Variants in TTN observed in about 807,000 individuals in gnomAD.
TTN encodes connectin.
TTN carries 1,525 observed loss-of-function variants against 3,223.0 expected under a neutral mutation model. That is an observed-to-expected ratio of 0.47 (90% CI 0.45 to 0.49). The LOEUF (loss-of-function observed/expected upper bound fraction) is 0.49, where lower values mean the gene tolerates loss of function less well. Among genes scored for constraint, TTN ranks in the 20% least tolerant of loss-of-function variants. The pLI is 0.00. For missense variants in TTN, 40,786 were observed against 43,424.0 expected, an observed-to-expected ratio of 0.94 and a Z score of 5.40; for synonymous variants, 14,094 against 15,161.0, an observed-to-expected ratio of 0.93 and a Z score of 5.17.
At position 178,535,849 on chromosome 2, in the gene TTN, ACTG is replaced by A; in HGVS notation, c.100766-3_100766-1del. The A allele has an allele frequency of 6.5e-7, 1 of 1,537,464 alleles. No individual in the cohort carries two copies. On this transcript the variant is annotated splice_acceptor_variant and splice_polypyrimidine_tract_variant and intron_variant, in intron 357 of 362. Coordinates refer to ENST00000589042, the MANE Select transcript of TTN (RefSeq NM_001267550.2). LOFTEE classifies it high-confidence loss of function. The stretch of plus-strand genomic sequence containing the variant: ...TTTAGGTAAGTGTATCTTAGCTGGA[ACTG>A]TATCAGAAAAAAAAAAAAAAAGAAT...
Position 178,588,034 on chromosome 2 carries a change from G to T in TTN, c.63373C>A (p.Leu21125Ile). The T allele has an allele frequency of 6.2e-7, 1 of 1,612,976 alleles. No homozygotes were observed. Among genetic ancestry groups the T allele is most frequent in the South Asian group, 1.1e-5 (1 of 91,038 alleles). ...GTAACAGTGAATTCCTTGCGTACAA[G>T]CTGTGCTGCAGCATTACACCGTTTC... Reference protein sequence around the residue: ...GWKRCNAAAQLVRKEFTVTSL... With the variant: ...GWKRCNAAAQIVRKEFTVTSL... The change falls in exon 305 of 363, where the codon CTT (leucine) becomes ATT (isoleucine). Residue 21125 changes from leucine (L) to isoleucine (I), a missense_variant. Transcript: ENST00000589042.
In TTN at chr2:178,532,547, C is replaced by G. The variant is rs1342833385; in HGVS notation, c.104068G>C (p.Gly34690Arg). ...RLRLEEELEL[G>R]FSASPPSRSP... Reference sequence around the variant, plus strand: ...CGACTTGGGGGTGAAGCTGAAAAACCTAACTCAAGCTCTTCTTCAAGACGC... The same window carrying G: ...CGACTTGGGGGTGAAGCTGAAAAACGTAACTCAAGCTCTTCTTCAAGACGC... Residue 34690 changes from glycine to arginine, a missense_variant, in exon 358 of 363, where the codon GGT becomes CGT. Coordinates refer to ENST00000589042, the MANE Select transcript of TTN (RefSeq NM_001267550.2). The G allele has an allele frequency of 1.9e-6, 3 of 1,613,812 alleles. No homozygotes were observed. Among genetic ancestry groups the G allele is most frequent in the Non-Finnish European group, 2.5e-6 (3 of 1,179,870 alleles).
chr2:178,563,283 A>G lies in TTN; in HGVS notation c.82849T>C (p.Trp27617Arg). 6.2e-6 allele frequency: 10 copies of G among 1,613,628 alleles called. No individual in the cohort carries two copies. Among genetic ancestry groups the G allele is most frequent in the Non-Finnish European group, 8.5e-6 (10 of 1,179,688 alleles). ...VEVKEAAADE[W>R]TTCTPPTGLQ... ...CCTGTTGGTGGAGTGCAGGTTGTCC[A>G]TTCATCCGCAGCAGCTTCTTTGACC... The change falls in exon 326 of 363, where the codon TGG becomes CGG. Residue 27617 changes from tryptophan (W) to arginine (R), a missense_variant. Transcript: ENST00000589042. The surrounding 1 kb of genome is among the most constrained non-coding windows in gnomAD (Gnocchi z 4.5).
Position 178,773,929 on chromosome 2 carries a change from GAGC to G in TTN, c.7236_7238del (p.Leu2413del). On this transcript the variant is annotated inframe_deletion, in exon 31 of 363. Transcript: ENST00000589042. ...CATCTTCCTTAGTCATGTCTTCAAT[GAGC>G]AGCATATGAGATTGTTTGTCTATCA... 6.2e-7 allele frequency: 1 copy of G among 1,614,064 alleles called. No individual in the cohort carries two copies. The highest frequency in any genetic ancestry group is 8.5e-7 in the Non-Finnish European group (1 of 1,179,976).
At chr2:178,541,646 A>G (rs1331109844) in intron 349 of TTN, 62 bp from the exon 350 acceptor site, 10 of 1,413,662 alleles carry the variant, frequency 7.1e-6, no homozygotes, top group Middle Eastern at 2.4e-4. Context: ...AATGACTCAT[A>G]TATTTGTGTT....
Position 178,713,902 on chromosome 2 carries a change from A to T in TTN, c.26756T>A (p.Val8919Asp), listed in dbSNP as rs1560596105. Reference sequence around the variant, plus strand: ...AGCCCAAGAAATCAACCAACCTGAAACCTGCAATGAAGCTGTGCAGCTGTC... The same window carrying T: ...AGCCCAAGAAATCAACCAACCTGAATCCTGCAATGAAGCTGTGCAGCTGTC... The part of the protein sequence containing the change: ...GKDSCTASLQ[V>D]SDRTVPPSFT... Residue 8919 changes from valine (V) to aspartate (D), a missense_variant, in exon 92 of 363, where the codon GTT becomes GAT. Physicochemically the swap from Val to Asp is radical, Grantham distance 152. Transcript: ENST00000589042. The T allele has an allele frequency of 6.2e-7, 1 of 1,612,646 alleles. No homozygotes were observed. The highest frequency in any genetic ancestry group is 8.5e-7 in the Non-Finnish European group (1 of 1,179,072).
rs201632545 is a variant in TTN, at chr2:178,565,727, T to C, written c.80405A>G (p.Glu26802Gly). 1.1e-4 allele frequency: 174 copies of C among 1,613,428 alleles called. 1 individual carries two copies. The highest frequency in any genetic ancestry group is 1.1e-5 in the Non-Finnish European group (13 of 1,179,634). The change falls in exon 326 of 363, where the codon GAG becomes GGG. Residue 26802 changes from glutamate (E) to glycine (G), a missense_variant. By Grantham distance (98) the Glu-to-Gly change is moderately conservative. Transcript: ENST00000589042. ...VSQTSASLMW[E>G]KPEHDGGSRV... ...GCTACCGCCATCATGTTCAGGTTTCTCCCACATAAGTGATGCACTGGTCTG... is the reference window on the plus strand; with the variant it reads ...GCTACCGCCATCATGTTCAGGTTTCCCCCACATAAGTGATGCACTGGTCTG...
rs755605142 is a variant in TTN, at chr2:178,802,329, G to A, written c.104C>T (p.Pro35Leu). The A allele has an allele frequency of 1.2e-6, 2 of 1,614,030 alleles. No individual in the cohort carries two copies. The highest frequency in any genetic ancestry group is 1.7e-6 in the Non-Finnish European group (2 of 1,179,960). ...GCCATCCCTAAACCAGCTCACCTCAGGAACTGGAAAACCTGAAGAGCAAGA... is the reference window on the plus strand; with the variant it reads ...GCCATCCCTAAACCAGCTCACCTCAAGAACTGGAAAACCTGAAGAGCAAGA... The part of the protein sequence containing the change: ...FEAHISGFPV[P>L]EVSWFRDGQV... Residue 35 changes from proline to leucine, a missense_variant, in exon 3 of 363, where the codon CCT (proline) becomes CTT (leucine). Coordinates refer to ENST00000589042, the MANE Select transcript of TTN (RefSeq NM_001267550.2).
chr2:178,558,216 C>T lies in TTN; in HGVS notation c.87138G>A (p.Met29046Ile). Residue 29046 changes from methionine (M) to isoleucine (I), a missense_variant, in exon 328 of 363, where the codon ATG becomes ATA. By Grantham distance (10) the Met-to-Ile change is conservative. Transcript: ENST00000589042. ...ATACAGTGTGACTTGGGAAATTCTT[C>T]ATATCAATTTCAGGTGGTTCTGAAA... ...KEQLEPPEIDMKNFPSHTVYV... is the reference protein window; with the variant it reads ...KEQLEPPEIDIKNFPSHTVYV... 3 of 1,606,986 alleles carry T rather than the reference C, an allele frequency of 1.9e-6. No homozygotes were observed. The highest frequency in any genetic ancestry group is 2.5e-6 in the Non-Finnish European group (3 of 1,178,400).
At chr2:178,592,739 T>C in intron 300 of TTN, 36 bp downstream of exon 300, 2 of 1,612,648 alleles carry the variant, frequency 1.2e-6, no homozygotes, top group Non-Finnish European at 1.7e-6. Flanking sequence ...AGACATCTAT[T>C]TTCCTTGCAA....
Position 178,720,635 on chromosome 2 carries a change from A to G in TTN, c.23127T>C (p.Ser7709=). The change falls in exon 80 of 363, where the codon TCT becomes TCC. Residue 7709 remains serine, a synonymous_variant. Transcript: ENST00000589042. ...CAGAACCTTTAAGAGCTCCTACTGG[A>G]GAAGGCTTCTGGGTGAAAACAGGAG... ...KAPPVFTQKP[S]PVGALKGSDV... is the part of the protein sequence containing the mutation. The G allele has an allele frequency of 6.2e-7, 1 of 1,604,038 alleles. No homozygotes were observed. Among genetic ancestry groups the G allele is most frequent in the Non-Finnish European group, 8.5e-7 (1 of 1,175,966 alleles).
In TTN at chr2:178,565,984, C is replaced by T. The variant is rs1274952108; in HGVS notation, c.80148G>A (p.Lys26716=). Reference sequence around the variant, plus strand: ...ACTCACGTTTGTCAATCACATAGTTCTTGACCTTTGCCCCTCCATCAATGA... The same window carrying T: ...ACTCACGTTTGTCAATCACATAGTTTTTGACCTTTGCCCCTCCATCAATGA... ...PPIIDGGAKV[K]NYVIDKREST... is the part of the protein sequence containing the mutation. Residue 26716 remains lysine (K), a synonymous_variant, in exon 326 of 363, where the codon AAG becomes AAA. Transcript: ENST00000589042. 1.2e-6 allele frequency: 2 copies of T among 1,613,456 alleles called. No homozygotes were observed. Among genetic ancestry groups the T allele is most frequent in the Non-Finnish European group, 1.7e-6 (2 of 1,179,646 alleles).
rs866916323 is a variant in TTN at position 178,686,183 on chromosome 2, G to C, written c.32312-585C>G. Reference sequence around the variant, plus strand: ...TCGCCCAGGCTGGAGTGCAGTGGCGGGATCTCGGCTCACTGCAAGCTCCGC... The same window carrying C: ...TCGCCCAGGCTGGAGTGCAGTGGCGCGATCTCGGCTCACTGCAAGCTCCGC... On this transcript the variant is annotated intron_variant, in intron 127 of 362. Transcript: ENST00000589042. Among the ~76,000 whole-genome samples the C allele has an allele frequency of 3.2e-3, 431 of 136,268 alleles. 3 individuals carry two copies. Among genetic ancestry groups the C allele is most frequent in the African/African-American group, 0.01 (361 of 34,434 alleles). The allele number at this position is 136,268 out of a possible 152,430, so 89.4% of individuals were successfully genotyped here.
At position 178,647,237 on chromosome 2, in the gene TTN, C is replaced by T. The variant is rs1381560202; in HGVS notation, c.40142-93G>A. On this transcript the variant is annotated intron_variant, in intron 214 of 362. Coordinates refer to ENST00000589042, the MANE Select transcript of TTN (RefSeq NM_001267550.2). ...ATATCAACCTAGTTACATTAAGTAA[C>T]ACTCTATAACAGATTATTCAGATGA... 3.5e-5 allele frequency: 40 copies of T among 1,146,448 alleles called. No individual in the cohort carries two copies. In the Admixed American group the frequency reaches 8.7e-4, roughly 25 times the overall value. 71.0% of individuals were successfully genotyped at this position (1,146,448 alleles called of 1,614,324 possible).
At chr2:178,781,028 A>G (rs1056495207) in intron 21 of TTN, 93 bp downstream of exon 21, 14 of 1,549,068 alleles carry the variant, frequency 9.0e-6, no homozygotes, top group African/African-American at 6.8e-5. Flanking sequence ...CAGAACCAGT[A>G]AGTGGCAACA....
At position 178,592,965 on chromosome 2, in the gene TTN, C is replaced by T. The variant is rs1337357054; in HGVS notation, c.59154G>A (p.Glu19718=). 6.2e-7 allele frequency: 1 copy of T among 1,613,484 alleles called. No individual in the cohort carries two copies. Among genetic ancestry groups the T allele is most frequent in the South Asian group, 1.1e-5 (1 of 91,068 alleles). The stretch of plus-strand genomic sequence containing the variant: ...ACTCTTCATCTCCAACTTTCTGGTA[C>T]TCAACAATATAACCCAGAATCTTGC... The part of the protein sequence containing the change: ...GGSKILGYIV[E]YQKVGDEEWR... The change falls in exon 300 of 363, where the codon GAG becomes GAA. Residue 19718 remains glutamate, a synonymous_variant. Transcript: ENST00000589042.
chr2:178,535,828 G>A lies in TTN; in HGVS notation c.100787C>T (p.Pro33596Leu). Residue 33596 changes from proline to leucine, a missense_variant, in exon 358 of 363, where the codon CCT becomes CTT. Coordinates refer to ENST00000589042, the MANE Select transcript of TTN (RefSeq NM_001267550.2). Reference protein sequence around the residue: ...EVEVPAKIHLPKTLEGMGAVH... With the variant: ...EVEVPAKIHLLKTLEGMGAVH... ...TGCTCCCATGCCTTCAAGAGTTTTA[G>A]GTAAGTGTATCTTAGCTGGAACTGT... 1 of 1,588,958 alleles carries A rather than the reference G, an allele frequency of 6.3e-7. No homozygotes were observed. The highest frequency in any genetic ancestry group is 1.8e-5 in the Admixed American group (1 of 56,794).
At position 178,560,598 on chromosome 2, in the gene TTN, C is replaced by T. The variant is rs764706572; in HGVS notation, c.85534G>A (p.Val28512Ile). 6.2e-7 allele frequency: 1 copy of T among 1,613,468 alleles called. No homozygotes were observed. Among genetic ancestry groups the T allele is most frequent in the South Asian group, 1.1e-5 (1 of 91,066 alleles). Residue 28512 changes from valine (V) to isoleucine (I), a missense_variant, in exon 326 of 363, where the codon GTA becomes ATA. By Grantham distance (29) the Val-to-Ile change is conservative. Coordinates refer to ENST00000589042, the MANE Select transcript of TTN (RefSeq NM_001267550.2). ...EGELQMTSCK[V>I]TKLLKGNEYI... Reference sequence around the variant, plus strand: ...TCATTGCCTTTGAGTAACTTGGTTACTTTACAGGATGTCATCTGTAACTCT... The same window carrying T: ...TCATTGCCTTTGAGTAACTTGGTTATTTTACAGGATGTCATCTGTAACTCT...
At chr2:178,591,525 A>T in intron 303 of TTN, 21 bp from the exon 304 acceptor site, 2 of 1,582,684 alleles carry the variant, frequency 1.3e-6, no homozygotes, top group Non-Finnish European at 1.7e-6. Context: ...AACATGAAAA[A>T]ATTAGATTTT....
Sources: gnomAD v4.1 joint callset for allele counts (sites outside exome capture counted in the v4.1 genomes callset) on GRCh38, gnomAD v4.1.1 for gene constraint, Gnocchi (gnomAD v3.1) non-coding constraint, MANE v1.5 for transcripts, NCBI Gene and HGNC (gene_info 2026-07-23, HGNC 2026-07-21) for gene names.